GYS2: variants seen among roughly 807,000 people sequenced by gnomAD.
GYS2 encodes glycogen synthase 2.
GYS2 carries 80 observed loss-of-function variants against 85.6 expected under a neutral mutation model. The ratio of observed to expected loss-of-function variants is 0.93; its 90% CI spans 0.78 to 1.13. The LOEUF (loss-of-function observed/expected upper bound fraction) is 1.13, where lower values mean the gene tolerates loss of function less well. Ranked by LOEUF, GYS2 falls within the 50% of genes most tolerant of loss-of-function variation. GYS2 has a pLI of 0.00. For missense variants in GYS2, 881 were observed against 854.9 expected (o/e 1.03, Z -0.38); for synonymous variants, 328 against 300.7 (o/e 1.09, Z -0.94).
intron 1 of GYS2, among the ~76,000 whole-genome samples, chr12:21,593,207 T>C (rs1362726215): frequency 1.3e-5 from 2 of 151,582 alleles, no homozygotes; most frequent in African/African-American, 4.8e-5. Flanking sequence ...AATCTAATCA[T>C]GTACCTCAAC....
chr12:21,553,191 A>T (rs1944134394), intron 11 of GYS2, among the ~76,000 whole-genome samples: 1 of 152,236 alleles, frequency 6.6e-6, no homozygotes, highest in African/African-American at 2.4e-5. Context: ...CTGGGATTAC[A>T]GACAGGAGCC....
chr12:21,573,090 C>G (rs138359516), intron 4 of GYS2, among the ~76,000 whole-genome samples: 1 of 152,050 alleles, frequency 6.6e-6, no homozygotes, highest in Non-Finnish European at 1.5e-5. Flanking sequence ...TTAGGCTGAC[C>G]TTTTTATAGG....
At chr12:21,542,395 ATTATCAGGATAGCT>A in intron 13 of GYS2, 87 bp downstream of exon 13, 1 of 800,998 alleles carries the variant, frequency 1.2e-6, no homozygotes, top group Non-Finnish European at 2.3e-6. Context: ...CATTAGTTTA[ATTATCAGGATAGCT>A]TTAGAGTTAG....
chr12:21,538,343 T>G lies in GYS2; in HGVS notation c.1890+915A>C, dbSNP rs553410432. Among the ~76,000 whole-genome samples the G allele has an allele frequency of 2.0e-5, 3 of 152,354 alleles. No homozygotes were observed. In the East Asian group the frequency reaches 5.8e-4, roughly 29 times the overall value. ...TATAAGTCATGTTATTAGGGATGGT[T>G]GTTTATGGTAACAGTGACCCCTGAT... On this transcript the variant is annotated intron_variant, in intron 15 of 15. Coordinates refer to ENST00000261195, the MANE Select transcript of GYS2 (RefSeq NM_021957.4).
chr12:21,570,671 AT>A lies in GYS2; in HGVS notation c.679-1663del, dbSNP rs1430613737. Among the ~76,000 whole-genome samples the A allele has an allele frequency of 2.6e-5, 4 of 152,244 alleles. No individual in the cohort carries two copies. In the East Asian group the frequency reaches 5.8e-4, roughly 22 times the overall value. ...GAAAATGCTATGGCATGTGCAGAAA[AT>A]AGCAGGACATCTGATGTGACTGTAG... On this transcript the variant is annotated intron_variant, in intron 4 of 15. Transcript: ENST00000261195.
At chr12:21,555,893 A>G (rs1944173666) in intron 11 of GYS2, among the ~76,000 whole-genome samples, 1 of 152,224 alleles carries the variant, frequency 6.6e-6, no homozygotes, top group African/African-American at 2.4e-5. Flanking sequence ...ATGGCATCTC[A>G]GTAACAATTC....
intron 5 of GYS2, among the ~76,000 whole-genome samples, chr12:21,568,218 T>C (rs1021126795): frequency 1.3e-5 from 2 of 152,198 alleles, no homozygotes; most frequent in African/African-American, 4.8e-5. Context: ...ACACTACCAA[T>C]AGCTTTGAGT....
intron 11 of GYS2, among the ~76,000 whole-genome samples, chr12:21,552,648 A>G (rs144871561): frequency 1.2e-4 from 18 of 152,328 alleles, no homozygotes; most frequent in African/African-American, 4.1e-4. Flanking sequence ...CTGCCTTATG[A>G]TAATAAATGA....
chr12:21,570,535 A>G (rs912232033), intron 4 of GYS2, among the ~76,000 whole-genome samples: 7 of 152,252 alleles, frequency 4.6e-5, no homozygotes, highest in Non-Finnish European at 8.8e-5. Flanking sequence ...TCATCTTTCT[A>G]TCTCCAAATT....
At chr12:21,534,503 C>A (rs575156250), downstream of GYS2, among the ~76,000 whole-genome samples, 8 of 140,712 alleles carry the variant, frequency 5.7e-5, no homozygotes, top group African/African-American at 1.9e-4. Flanking sequence ...GGTGACAGAG[C>A]AAGACTCTTG....
downstream of GYS2, chr12:21,535,202 AC>A (rs1943899516): frequency 2.0e-5 from 3 of 152,230 alleles, no homozygotes; most frequent in Admixed American, 2.0e-4. Flanking sequence ...AAAAGCACTT[AC>A]ATCTTCAGGT....
intron 11 of GYS2, among the ~76,000 whole-genome samples, chr12:21,552,165 C>T (rs1165263562): frequency 1.3e-5 from 2 of 152,126 alleles, no homozygotes; most frequent in African/African-American, 4.8e-5. Flanking sequence ...CTACCTAGAT[C>T]AGTAGGAAAA....
chr12:21,560,808 A>G (rs1240553715), intron 7 of GYS2, among the ~76,000 whole-genome samples: 2 of 152,216 alleles, frequency 1.3e-5, no homozygotes, highest in South Asian at 2.1e-4. Flanking sequence ...ATAGATAACA[A>G]TTGCTATTGA....
intron 1 of GYS2, among the ~76,000 whole-genome samples, chr12:21,591,151 A>G (rs1944634312): frequency 6.6e-6 from 1 of 152,158 alleles, no homozygotes; most frequent in African/African-American, 2.4e-5. Flanking sequence ...AAAAAAAGAC[A>G]TTTATAAAAT....
intron 11 of GYS2, among the ~76,000 whole-genome samples, chr12:21,546,814 G>C (rs1170333050): frequency 6.6e-6 from 1 of 152,098 alleles, no homozygotes; most frequent in Admixed American, 6.6e-5. Flanking sequence ...TTATCTAATT[G>C]CTCTTGTCTT....
At chr12:21,587,723 T>G (rs9971862) in intron 1 of GYS2, among the ~76,000 whole-genome samples, 36,966 of 151,830 alleles carry the variant, frequency 0.24, 4,735 homozygotes, top group Middle Eastern at 0.34. Flanking sequence ...TATAAATAAA[T>G]TTTAAAAATA....
intron 12 of GYS2, among the ~76,000 whole-genome samples, chr12:21,545,164 C>A (rs11046110): frequency 0.03 from 4,564 of 152,182 alleles, 128 homozygotes; most frequent in Non-Finnish European, 0.04. Context: ...GTGAAGAGGC[C>A]GGGTGTGATG....
intron 3 of GYS2, among the ~76,000 whole-genome samples, chr12:21,574,570 A>G (rs1944423676): frequency 1.3e-5 from 2 of 152,162 alleles, no homozygotes; most frequent in South Asian, 4.1e-4. Flanking sequence ...TATCCACAGA[A>G]GAATAAATAC....
At chr12:21,548,477 A>C (rs1944068044) in intron 11 of GYS2, among the ~76,000 whole-genome samples, 1 of 152,204 alleles carries the variant, frequency 6.6e-6, no homozygotes, top group Admixed American at 6.5e-5. Flanking sequence ...TGAAGTAAAT[A>C]ATTAGGATGT....
Sources: allele counts gnomAD v4.1 joint callset (sites outside exome capture counted in the v4.1 genomes callset), GRCh38; gene constraint gnomAD v4.1.1; transcripts MANE v1.5; gene names NCBI Gene and HGNC (gene_info 2026-07-23, HGNC 2026-07-21).